The following DTWD2 variants were observed in gnomAD, a reference collection of about 807,000 sequenced individuals.
The protein encoded by DTWD2 is tRNA-uridine aminocarboxypropyltransferase 2.
A neutral mutation model predicts 31.8 loss-of-function variants in DTWD2; 39 were observed. The observed-to-expected ratio is 1.22, with a 90% CI of 0.95 to 1.60. The LOEUF (loss-of-function observed/expected upper bound fraction) is 1.60. Among genes scored for constraint, DTWD2 ranks in the 40% most tolerant of loss-of-function variants. DTWD2 has a pLI of 0.00. For synonymous variants in DTWD2, 180 were observed against 142.8 expected (o/e 1.26, Z -1.86); for missense variants, 515 against 381.5 (o/e 1.35, Z -2.92).
intron 1 of DTWD2, among the ~76,000 whole-genome samples, chr5:118,948,591 T>C (rs762444534): frequency 6.6e-6 from 1 of 151,626 alleles, no homozygotes; most frequent in Non-Finnish European, 1.5e-5. Context: ...GTCATGGGGG[T>C]CAGGTGTGGT....
At chr5:118,887,102 G>A (rs925204845) in intron 4 of DTWD2, among the ~76,000 whole-genome samples, 2 of 152,208 alleles carry the variant, frequency 1.3e-5, no homozygotes, top group Non-Finnish European at 2.9e-5. Context: ...AGTGGTTTGG[G>A]TGGCTAGAAA....
chr5:118,941,003 G>C (rs1386872986), intron 2 of DTWD2, among the ~76,000 whole-genome samples: 1 of 151,888 alleles, frequency 6.6e-6, no homozygotes, highest in African/African-American at 2.4e-5. Flanking sequence ...TTACCCTTAG[G>C]TAATTTTACA....
chr5:118,984,927 C>T (rs1032278472), intron 1 of DTWD2, among the ~76,000 whole-genome samples: 79 of 152,086 alleles, frequency 5.2e-4, no homozygotes, highest in African/African-American at 1.8e-3. Flanking sequence ...CATCCAGTTG[C>T]TTTTTTTATA....
chr5:118,961,078 TAAAAA>T (rs55699245), intron 1 of DTWD2, among the ~76,000 whole-genome samples: 1 of 150,260 alleles, frequency 6.7e-6, no homozygotes, highest in Admixed American at 6.6e-5. Context: ...AACTAAAAGT[TAAAAA>T]AAAAAGTTTT....
chr5:118,879,034 T>C (rs925587708), intron 4 of DTWD2, among the ~76,000 whole-genome samples: 4 of 147,240 alleles, frequency 2.7e-5, no homozygotes, highest in African/African-American at 1.1e-4. Flanking sequence ...TTCTACACTG[T>C]TGGGGGGCTG....
intron 1 of DTWD2, among the ~76,000 whole-genome samples, chr5:118,972,715 A>G (rs1350900314): frequency 1.3e-5 from 2 of 152,246 alleles, no homozygotes; most frequent in African/African-American, 4.8e-5. Context: ...CATCAACACA[A>G]AAATCCTCAA....
At chr5:118,842,246 C>G (rs1751735556) in intron 5 of DTWD2, among the ~76,000 whole-genome samples, 1 of 152,114 alleles carries the variant, frequency 6.6e-6, no homozygotes, top group Non-Finnish European at 1.5e-5. Context: ...AAATTATATT[C>G]AAGGTAGCAA....
chr5:118,952,701 T>C (rs1266636958), intron 1 of DTWD2, among the ~76,000 whole-genome samples: 2 of 152,190 alleles, frequency 1.3e-5, no homozygotes, highest in Admixed American at 6.5e-5. Flanking sequence ...TAAAAGTTGG[T>C]TGTCTGGAAG....
At chr5:118,951,115 T>C (rs1050843383) in intron 1 of DTWD2, among the ~76,000 whole-genome samples, 1 of 152,166 alleles carries the variant, frequency 6.6e-6, no homozygotes, top group African/African-American at 2.4e-5. Flanking sequence ...AGCAATAACC[T>C]TGACCATGCC....
chr5:118,902,434 G>A (rs1753233567), intron 4 of DTWD2, among the ~76,000 whole-genome samples: 1 of 151,932 alleles, frequency 6.6e-6, no homozygotes, highest in African/African-American at 2.4e-5. Context: ...TCACAAACTG[G>A]TAAAAGTACC....
intron 4 of DTWD2, among the ~76,000 whole-genome samples, chr5:118,919,759 TC>T (rs1487001566): frequency 2.0e-5 from 3 of 152,230 alleles, no homozygotes; most frequent in Non-Finnish European, 1.5e-5. Context: ...CCTGTTTTTT[TC>T]CTACCATCTA....
chr5:118,975,848 T>C (rs898917094), intron 1 of DTWD2, among the ~76,000 whole-genome samples: 2 of 152,202 alleles, frequency 1.3e-5, no homozygotes, highest in Non-Finnish European at 2.9e-5. Flanking sequence ...GTAGACCTAA[T>C]AGACATCTAC....
At chr5:118,924,263 T>C (rs1414560235) in intron 4 of DTWD2, among the ~76,000 whole-genome samples, 1 of 152,180 alleles carries the variant, frequency 6.6e-6, no homozygotes. Context: ...CTACAGATAA[T>C]TTCCAGTACA....
chr5:118,946,710 G>C (rs1184881490), intron 1 of DTWD2, among the ~76,000 whole-genome samples: 9 of 151,882 alleles, frequency 5.9e-5, no homozygotes. Flanking sequence ...AAGAAAAGCT[G>C]TAAGTCTACA....
At chr5:118,851,557 C>G (rs1287851735) in intron 4 of DTWD2, among the ~76,000 whole-genome samples, 2 of 151,746 alleles carry the variant, frequency 1.3e-5, no homozygotes, top group African/African-American at 4.8e-5. Flanking sequence ...AGGACAAAAT[C>G]GGGAACTCCT....
chr5:118,843,704 A>C (rs528533416), intron 5 of DTWD2, among the ~76,000 whole-genome samples: 54 of 152,354 alleles, frequency 3.5e-4, no homozygotes, highest in African/African-American at 1.2e-3. Flanking sequence ...TCCAACTTTT[A>C]CATCCTGAAG....
At chr5:118,948,302 C>T (rs1456413233) in intron 1 of DTWD2, among the ~76,000 whole-genome samples, 3 of 151,718 alleles carry the variant, frequency 2.0e-5, no homozygotes, top group South Asian at 2.1e-4. Context: ...GGTGAAACCC[C>T]GTCTCTACTA....
At chr5:118,912,217 A>G (rs1257478992) in intron 4 of DTWD2, among the ~76,000 whole-genome samples, 1 of 152,208 alleles carries the variant, frequency 6.6e-6, no homozygotes, top group African/African-American at 2.4e-5. Context: ...ACTAATCACT[A>G]TAGCCTAGAG....
chr5:118,944,599 T>C lies in DTWD2; in HGVS notation c.269A>G (p.His90Arg), dbSNP rs143594682. 1.2e-6 allele frequency: 2 copies of C among 1,613,536 alleles called. No individual in the cohort carries two copies. Among genetic ancestry groups the C allele is most frequent in the Non-Finnish European group, 1.7e-6 (2 of 1,179,794 alleles). ...AATTATGTACAAGTGGGTAGAGATA[T>C]GCAGAGGGTGCGCTGGGAGAAATGG... Reference protein sequence around the residue: ...LCPFLPAHPLHISTHLYIIQH... With the variant: ...LCPFLPAHPLRISTHLYIIQH... Residue 90 changes from histidine (H) to arginine (R), a missense_variant, in exon 2 of 6, where the codon CAT (histidine) becomes CGT (arginine). Transcript: ENST00000510708.
Sources: gnomAD v4.1 joint callset for allele counts (sites outside exome capture counted in the v4.1 genomes callset) on GRCh38, gnomAD v4.1.1 for gene constraint, MANE v1.5 for transcripts, NCBI Gene and HGNC (gene_info 2026-07-23, HGNC 2026-07-21) for gene names.